The following GULP1 variants were observed in gnomAD, a reference collection of about 807,000 sequenced individuals.
GULP1 encodes the protein GULP PTB domain containing engulfment adaptor 1, also known as PTB domain-containing engulfment adapter protein 1.
Under a neutral mutation model 40.9 loss-of-function variants are expected in GULP1, and 19 were observed. The ratio of observed to expected loss-of-function variants is 0.46; its 90% confidence interval spans 0.32 to 0.68. The LOEUF (loss-of-function observed/expected upper bound fraction) is 0.68, where lower values mean the gene tolerates loss of function less well. Ranked by LOEUF, GULP1 falls within the 30% of genes least tolerant of loss-of-function variation. The pLI, the probability that GULP1 is intolerant of heterozygous loss-of-function variation, is 0.03. For missense variants in GULP1, 312 were observed against 362.2 expected, an observed-to-expected ratio of 0.86 and a Z score of 1.12; for synonymous variants, 119 against 117.6, an observed-to-expected ratio of 1.01 and a Z score of -0.08.
chr2:188,530,032 T>C (rs1469256577), intron 6 of GULP1, among the ~76,000 whole-genome samples: 1 of 152,174 alleles, frequency 6.6e-6, no homozygotes, highest in East Asian at 1.9e-4. Flanking sequence ...ACAACTCACC[T>C]GATTGGCTAT....
intron 7 of GULP1, among the ~76,000 whole-genome samples, chr2:188,564,302 G>GA (rs1186953919): frequency 6.6e-6 from 1 of 151,664 alleles, no homozygotes; most frequent in South Asian, 2.1e-4. Context: ...AAAGAAATAG[G>GA]AAAAAATTGT....
chr2:188,590,905 G>A (rs901082750), intron 11 of GULP1: 1 of 152,046 alleles, frequency 6.6e-6, no homozygotes, highest in East Asian at 1.9e-4. Flanking sequence ...AGCAAATGCC[G>A]AGATAAATTT....
At chr2:188,390,196 A>G (rs962185598) in intron 2 of GULP1, among the ~76,000 whole-genome samples, 2 of 152,142 alleles carry the variant, frequency 1.3e-5, no homozygotes, top group African/African-American at 4.8e-5. Flanking sequence ...AGAAATGTTC[A>G]TGCTGTATTC....
chr2:188,557,650 C>G (rs1057031317), intron 7 of GULP1, among the ~76,000 whole-genome samples: 1 of 152,210 alleles, frequency 6.6e-6, no homozygotes, highest in African/African-American at 2.4e-5. Flanking sequence ...GGTGCAAACT[C>G]TCAGTGGATC....
At chr2:188,411,758 T>C (rs955221758) in intron 2 of GULP1, among the ~76,000 whole-genome samples, 1 of 152,220 alleles carries the variant, frequency 6.6e-6, no homozygotes, top group Non-Finnish European at 1.5e-5. Context: ...AATCAGTATA[T>C]AATCACACAT....
chr2:188,397,196 G>A (rs969010709), intron 2 of GULP1, among the ~76,000 whole-genome samples: 16 of 152,166 alleles, frequency 1.1e-4, no homozygotes, highest in African/African-American at 3.6e-4. Flanking sequence ...GTCTTTCCAA[G>A]TGAGTGAGGC....
At chr2:188,429,682 G>A (rs1219494049) in intron 2 of GULP1, among the ~76,000 whole-genome samples, 2 of 151,994 alleles carry the variant, frequency 1.3e-5, no homozygotes, top group African/African-American at 4.8e-5. Context: ...GCTAGAGCAG[G>A]TAGGACTGGA....
At chr2:188,525,941 T>C (rs1286340743) in intron 5 of GULP1, among the ~76,000 whole-genome samples, 1 of 152,210 alleles carries the variant, frequency 6.6e-6, no homozygotes, top group African/African-American at 2.4e-5. Flanking sequence ...AGAAATACTT[T>C]AAATTAAAAA....
chr2:188,483,055 T>G (rs1033817831), intron 3 of GULP1, among the ~76,000 whole-genome samples: 2 of 151,974 alleles, frequency 1.3e-5, no homozygotes, highest in African/African-American at 4.8e-5. Flanking sequence ...TTTATTGTTC[T>G]AGGAATTAAG....
At chr2:188,380,513 G>A (rs1302201607) in intron 1 of GULP1, among the ~76,000 whole-genome samples, 5 of 151,726 alleles carry the variant, frequency 3.3e-5, no homozygotes, top group African/African-American at 7.3e-5. Context: ...CAATCAGTGG[G>A]GATTGAACGT....
intron 1 of GULP1, among the ~76,000 whole-genome samples, chr2:188,353,175 A>C (rs1447689354): frequency 6.6e-6 from 1 of 152,214 alleles, no homozygotes; most frequent in Admixed American, 6.5e-5. Flanking sequence ...TATTTTAGGA[A>C]AAGACTTGGT....
At chr2:188,348,154 T>C (rs1369459493) in intron 1 of GULP1, among the ~76,000 whole-genome samples, 1 of 152,224 alleles carries the variant, frequency 6.6e-6, no homozygotes, top group African/African-American at 2.4e-5. Flanking sequence ...ATATTTATTA[T>C]AATGAGACTT....
chr2:188,360,161 C>G (rs1336242355), intron 1 of GULP1, among the ~76,000 whole-genome samples: 1 of 151,998 alleles, frequency 6.6e-6, no homozygotes, highest in Non-Finnish European at 1.5e-5. Context: ...ATGATTCTAC[C>G]TACTTCATTC....
At chr2:188,371,912 A>T (rs1012753927) in intron 1 of GULP1, among the ~76,000 whole-genome samples, 5 of 152,102 alleles carry the variant, frequency 3.3e-5, no homozygotes, top group African/African-American at 1.2e-4. Context: ...GAATCTTTAC[A>T]ATATCATAGT....
At chr2:188,465,971 ATGTGTG>A (rs139512748) in intron 2 of GULP1, among the ~76,000 whole-genome samples, 2 of 148,878 alleles carry the variant, frequency 1.3e-5, no homozygotes, top group African/African-American at 4.9e-5. Context: ...GTGTGTGTAT[ATGTGTG>A]TGTGTGTGTG....
At chr2:188,473,102 T>G (rs895102880) in intron 2 of GULP1, among the ~76,000 whole-genome samples, 2 of 151,970 alleles carry the variant, frequency 1.3e-5, no homozygotes, top group African/African-American at 4.8e-5. Flanking sequence ...ATGCAGAGAG[T>G]TGACCTCTTC....
intron 6 of GULP1, among the ~76,000 whole-genome samples, chr2:188,536,981 C>T (rs1315989898): frequency 2.0e-5 from 3 of 151,712 alleles, no homozygotes; most frequent in Admixed American, 1.3e-4. Flanking sequence ...TGTCTCTCAG[C>T]TTTAATGTTA....
At chr2:188,537,527 A>G (rs1299213818) in intron 6 of GULP1, among the ~76,000 whole-genome samples, 5 of 152,074 alleles carry the variant, frequency 3.3e-5, no homozygotes, top group Admixed American at 2.6e-4. Flanking sequence ...CATCCCAGGA[A>G]TGAAGCCTTC....
intron 7 of GULP1, among the ~76,000 whole-genome samples, chr2:188,563,570 T>C (rs988859479): frequency 2.0e-5 from 3 of 150,738 alleles, no homozygotes; most frequent in African/African-American, 7.3e-5. Context: ...TTTTTATATT[T>C]TTAAAAAAGA....
Sources: gnomAD v4.1 joint callset for allele counts (sites outside exome capture counted in the v4.1 genomes callset) on GRCh38, gnomAD v4.1.1 for gene constraint, MANE v1.5 for transcripts, NCBI Gene and HGNC (gene_info 2026-07-23, HGNC 2026-07-21) for gene names.